HNF1B: variants seen among roughly 807,000 people sequenced by gnomAD.
HNF1B encodes HNF1 homeobox B, also known as hepatocyte nuclear factor 1-beta.
A neutral mutation model predicts 61.7 loss-of-function variants in HNF1B; 8 were observed. The observed-to-expected ratio is 0.13, with a 90% CI of 0.08 to 0.23. The LOEUF (loss-of-function observed/expected upper bound fraction) is 0.23, where lower values mean the gene tolerates loss of function less well. HNF1B is among the 10% of genes least tolerant of loss of function. The probability of loss-of-function intolerance (pLI) is 1.00; values close to 1 mark genes in which losing one functional copy is unlikely to be tolerated. For synonymous variants in HNF1B, 314 were observed against 287.7 expected, an observed-to-expected ratio of 1.09 and a Z score of -0.93; for missense variants, 562 against 714.5, an observed-to-expected ratio of 0.79 and a Z score of 2.43.
chr17:37,694,105 G>C (rs573076636), intron 8 of HNF1B, among the ~76,000 whole-genome samples: 35 of 152,274 alleles, frequency 2.3e-4, no homozygotes, highest in South Asian at 8.3e-4. Flanking sequence ...ACAAAAAACT[G>C]GTCCTGGGAG....
chr17:37,733,474 G>A, intron 3 of HNF1B, 83 bp downstream of exon 3: 1 of 1,490,082 alleles, frequency 6.7e-7, no homozygotes, highest in Non-Finnish European at 9.4e-7. Flanking sequence ...TATAACTAGT[G>A]TCTCAATATC....
chr17:37,712,262 T>TG (rs1201289099), intron 4 of HNF1B, among the ~76,000 whole-genome samples: 3 of 152,120 alleles, frequency 2.0e-5, no homozygotes, highest in Non-Finnish European at 4.4e-5. Flanking sequence ...GCGCTGGCAT[T>TG]GGTGTATTGG....
intron 6 of HNF1B, among the ~76,000 whole-genome samples, chr17:37,703,085 G>A (rs2032624092): frequency 6.6e-6 from 1 of 152,218 alleles, no homozygotes; most frequent in South Asian, 2.1e-4. Flanking sequence ...CAATTCTGAG[G>A]CAGGGCCCAT....
chr17:37,702,834 G>C (rs1001790084), intron 6 of HNF1B, among the ~76,000 whole-genome samples: 3 of 152,298 alleles, frequency 2.0e-5, no homozygotes, highest in African/African-American at 7.2e-5. Flanking sequence ...TGCAGTCTGT[G>C]ATCCTGATGT....
chr17:37,720,791 C>G, intron 4 of HNF1B: 1 of 985,302 alleles, frequency 1.0e-6, no homozygotes, highest in Non-Finnish European at 1.2e-6. Flanking sequence ...TACATACATA[C>G]AGAGCAAGGT....
rs1366417386 is a variant in HNF1B, at chr17:37,733,838, G to A, written c.545-17C>T. 2 of 1,613,598 alleles carry A rather than the reference G, an allele frequency of 1.2e-6. No individual in the cohort carries two copies. The highest frequency in any genetic ancestry group is 8.5e-7 in the Non-Finnish European group (1 of 1,179,960). ...GGTTGAATTCTGAAAAGAGAAAGGA[G>A]TAGATTTGATAGGGTCTGTAGCCTT... On this transcript the variant is annotated splice_polypyrimidine_tract_variant and intron_variant, in intron 2 of 8. Transcript: ENST00000617811.
intron 2 of HNF1B, among the ~76,000 whole-genome samples, chr17:37,738,896 C>CA (rs2033910543): frequency 1.3e-5 from 2 of 152,208 alleles, no homozygotes; most frequent in Admixed American, 1.3e-4. Flanking sequence ...TGTGGGTAAA[C>CA]ACCTTAAATT....
intron 8 of HNF1B, among the ~76,000 whole-genome samples, chr17:37,690,102 G>T (rs1274218496): frequency 3.9e-5 from 6 of 152,054 alleles, no homozygotes; most frequent in Non-Finnish European, 8.8e-5. Context: ...AGGGCAGCTT[G>T]AGGAAAAAGA....
In HNF1B at chr17:37,699,186, G is replaced by A. The variant is rs1188569241; in HGVS notation, c.1543C>T (p.His515Tyr). ...GAATACTGGGGGGGTTCCTGCTTGT[G>A]TGCGTACACTGGAGAGACAGAGTGA... ...TQLQNSHMYA[H>Y]KQEPPQYSHT... Residue 515 changes from histidine to tyrosine, a missense_variant, in exon 8 of 9, where the codon CAC (histidine) becomes TAC (tyrosine). Physicochemically the swap from His to Tyr is moderately conservative, Grantham distance 83. Around this residue, in one of 6 missense-constraint regions of HNF1B, gnomAD observed 64 missense variants for 96.9 expected, o/e 0.66. Coordinates refer to ENST00000617811, the MANE Select transcript of HNF1B (RefSeq NM_000458.4). 6.2e-7 allele frequency: 1 copy of A among 1,613,274 alleles called. No homozygotes were observed. The highest frequency in any genetic ancestry group is 1.7e-5 in the Admixed American group (1 of 60,030).
chr17:37,735,557 C>T (rs2033809342), intron 2 of HNF1B, among the ~76,000 whole-genome samples: 1 of 152,156 alleles, frequency 6.6e-6, no homozygotes, highest in Non-Finnish European at 1.5e-5. Context: ...CCACTATAGA[C>T]CTGAGAGAGT....
At chr17:37,712,418 C>T (rs1211816518) in intron 4 of HNF1B, among the ~76,000 whole-genome samples, 2 of 150,274 alleles carry the variant, frequency 1.3e-5, no homozygotes, top group African/African-American at 2.5e-5. Flanking sequence ...TGTTTGCCAT[C>T]GATGCCATCC....
intron 4 of HNF1B, 125 bp from the exon 5 acceptor site, chr17:37,710,788 C>T: frequency 1.1e-6 from 1 of 876,792 alleles, no homozygotes; most frequent in Non-Finnish European, 1.8e-6. Context: ...CTCCCCTGTC[C>T]ACCCACAAGA....
At chr17:37,737,827 C>T (rs917786181) in intron 2 of HNF1B, among the ~76,000 whole-genome samples, 9 of 151,836 alleles carry the variant, frequency 5.9e-5, no homozygotes, top group Non-Finnish European at 7.4e-5. Context: ...AGAGCGAGAC[C>T]CCGTCTCAAA....
At chr17:37,718,131 A>T (rs912459337) in intron 4 of HNF1B, among the ~76,000 whole-genome samples, 2 of 152,190 alleles carry the variant, frequency 1.3e-5, no homozygotes, top group African/African-American at 4.8e-5. Context: ...TAAAAAAAAA[A>T]TCAAAGCAAA....
intron 4 of HNF1B, among the ~76,000 whole-genome samples, chr17:37,727,255 A>G (rs2033530165): frequency 6.6e-6 from 1 of 152,124 alleles, no homozygotes; most frequent in African/African-American, 2.4e-5. Flanking sequence ...GACCTGCTCA[A>G]TGGCTTCAGA....
chr17:37,721,866 A>C (rs917215530), intron 4 of HNF1B, among the ~76,000 whole-genome samples: 1 of 152,142 alleles, frequency 6.6e-6, no homozygotes, highest in South Asian at 2.1e-4. Flanking sequence ...TGTTGTCTAC[A>C]ACCCAACTGC....
rs148907091 is a variant in HNF1B at position 37,687,756 on chromosome 17, C to T, written c.1654-364G>A. On this transcript the variant is annotated intron_variant, in intron 8 of 8. Coordinates refer to ENST00000617811, the MANE Select transcript of HNF1B (RefSeq NM_000458.4). Reference sequence around the variant, plus strand: ...AGCTGGATGGTGAGCTCTTGCCTCTCGTGGAAGCAAGGGTCTCTTCCTAAG... The same window carrying T: ...AGCTGGATGGTGAGCTCTTGCCTCTTGTGGAAGCAAGGGTCTCTTCCTAAG... 2.5e-3 allele frequency among the ~76,000 whole-genome samples: 376 copies of T among 152,272 alleles called. 4 individuals carry two copies. The highest frequency in any genetic ancestry group is 0.01 in the Middle Eastern group (3 of 294).
intron 4 of HNF1B, among the ~76,000 whole-genome samples, chr17:37,715,009 T>C (rs1408476797): frequency 1.3e-5 from 2 of 152,154 alleles, no homozygotes; most frequent in Admixed American, 1.3e-4. Context: ...ACAATCTTAA[T>C]GCACTTCTCA....
chr17:37,710,369 G>C, intron 5 of HNF1B, 134 bp downstream of exon 5: 2 of 1,200,556 alleles, frequency 1.7e-6, no homozygotes, highest in East Asian at 4.7e-5. Context: ...TCTCCTTTCC[G>C]ACTCTGGACA....
Sources: gnomAD v4.1 joint callset for allele counts (sites outside exome capture counted in the v4.1 genomes callset) on GRCh38, gnomAD v4.1.1 for gene constraint, gnomAD v4.1.1 regional missense constraint, MANE v1.5 for transcripts, NCBI Gene and HGNC (gene_info 2026-07-23, HGNC 2026-07-21) for gene names.